Variants in IFT74 observed in about 807,000 individuals in gnomAD.
IFT74 encodes the protein intraflagellar transport 74.
IFT74 carries 92 observed loss-of-function variants against 96.7 expected under a neutral mutation model. The observed-to-expected ratio is 0.95, with a 90% CI of 0.80 to 1.13. IFT74 has a LOEUF of 1.13. IFT74 is among the 50% of genes most tolerant of loss of function. The pLI is 0.00. For synonymous variants in IFT74, 223 were observed against 213.2 expected, an observed-to-expected ratio of 1.05 and a Z score of -0.40; for missense variants, 811 against 698.2, an observed-to-expected ratio of 1.16 and a Z score of -1.82.
In IFT74 at chr9:27,028,804, T is replaced by C. The variant is rs140458131; in HGVS notation, c.975-221T>C. The C allele has an allele frequency of 2.8e-3, 876 of 313,926 alleles. 2 individuals are homozygous for C. The highest frequency in any genetic ancestry group is 4.1e-3 in the Non-Finnish European group (710 of 174,788). The allele number at this position is 313,926 out of a possible 1,614,324, so 19.4% of individuals were successfully genotyped here. A position where few individuals can be genotyped will look rare whatever the true frequency, so the allele number is the denominator to read the frequency against. ...ACAAGATTCTTCCTCTCTAAATTTA[T>C]AGTATTGTCCTCATAATAGGATATG... On this transcript the variant is annotated intron_variant, in intron 12 of 19. Coordinates refer to ENST00000380062, the MANE Select transcript of IFT74 (RefSeq NM_025103.4).
At position 27,056,762 on chromosome 9, in the gene IFT74, T is replaced by TA. The variant is rs199871094; in HGVS notation, c.1623+307dup. The stretch of plus-strand genomic sequence containing the variant: ...TACTAATACAGAAACTAAAAATCCA[T>TA]AAAATCACAAATAAAATAAATTCTA... On this transcript the variant is annotated intron_variant, in intron 18 of 19. Coordinates refer to ENST00000380062, the MANE Select transcript of IFT74 (RefSeq NM_025103.4). Among the ~76,000 whole-genome samples, 1,230 of 151,976 alleles carry TA rather than the reference T, an allele frequency of 8.1e-3. 15 individuals carry two copies. Among genetic ancestry groups the TA allele is most frequent in the African/African-American group, 0.027 (1,129 of 41,464 alleles).
At chr9:27,022,568 A>AGTATT (rs1829660783) in intron 12 of IFT74, among the ~76,000 whole-genome samples, 2 of 151,842 alleles carry the variant, frequency 1.3e-5, no homozygotes, top group Non-Finnish European at 2.9e-5. Flanking sequence ...CATATTCCCA[A>AGTATT]GTATTGTATT....
At chr9:27,036,743 AGAGAGCGTAAAGT>A in intron 13 of IFT74, 1 of 1,228,020 alleles carries the variant, frequency 8.1e-7, no homozygotes, top group South Asian at 3.4e-5. Flanking sequence ...ACAGACTAAG[AGAGAGCGTAAAGT>A]GCTGTCTCTC....
intron 8 of IFT74, among the ~76,000 whole-genome samples, chr9:26,999,452 C>G (rs1256635554): frequency 1.3e-5 from 2 of 152,108 alleles, no homozygotes; most frequent in South Asian, 4.1e-4. Flanking sequence ...TAAATGAAGG[C>G]TGCTTTTGTC....
chr9:26,985,861 TCCA>T lies in IFT74; in HGVS notation c.465+1306_465+1308del, dbSNP rs980920998. Among the ~76,000 whole-genome samples, 25 of 152,324 alleles carry T rather than the reference TCCA, an allele frequency of 1.6e-4. No individual in the cohort carries two copies. In the East Asian group the frequency reaches 4.6e-3, roughly 28 times the overall value. ...AATTTAATTATTAAACATACAGATT[TCCA>T]CCATCTTGATGTTTTACTCGAAATA... On this transcript the variant is annotated intron_variant, in intron 6 of 19. Coordinates refer to ENST00000380062, the MANE Select transcript of IFT74 (RefSeq NM_025103.4).
chr9:26,968,343 C>A (rs1405708961), intron 2 of IFT74, among the ~76,000 whole-genome samples: 3 of 151,728 alleles, frequency 2.0e-5, no homozygotes. Context: ...CTCACTACAA[C>A]CTCTGCCTCC....
chr9:27,045,734 G>A (rs1206163940), intron 14 of IFT74, among the ~76,000 whole-genome samples: 1 of 152,048 alleles, frequency 6.6e-6, no homozygotes, highest in Non-Finnish European at 1.5e-5. Flanking sequence ...TTTCATCTAG[G>A]TCTGATGTCA....
intron 8 of IFT74, chr9:26,997,949 TGTTTTA>T: frequency 6.2e-7 from 1 of 1,613,904 alleles, no homozygotes; most frequent in Non-Finnish European, 8.5e-7. Context: ...GAGATATAAC[TGTTTTA>T]GTTTATTTAA....
At chr9:26,948,324 A>T (rs953805497) in intron 1 of IFT74, among the ~76,000 whole-genome samples, 1 of 152,024 alleles carries the variant, frequency 6.6e-6, no homozygotes, top group Non-Finnish European at 1.5e-5. Flanking sequence ...AATTATTTCA[A>T]CATTTCTCTG....
In IFT74 at chr9:27,016,975, C is replaced by T. The variant is rs774018535; in HGVS notation, c.858C>T (p.Ser286=). Residue 286 remains serine, a synonymous_variant, in exon 11 of 20, where the codon TCC becomes TCT. Coordinates refer to ENST00000380062, the MANE Select transcript of IFT74 (RefSeq NM_025103.4). ...LLHEKLYELE[S]HRDQMIAEDK... is the part of the protein sequence containing the mutation. ...ATGAAAAACTTTATGAGTTGGAGTC[C>T]CATCGAGATCAAATGATTGCAGAAG... The T allele has an allele frequency of 1.9e-6, 3 of 1,610,142 alleles. No homozygotes were observed. The highest frequency in any genetic ancestry group is 2.5e-6 in the Non-Finnish European group (3 of 1,178,016).
At chr9:27,003,960 A>C (rs1464534168) in intron 8 of IFT74, among the ~76,000 whole-genome samples, 1 of 152,218 alleles carries the variant, frequency 6.6e-6, no homozygotes, top group Non-Finnish European at 1.5e-5. Flanking sequence ...ATGTGGTGAA[A>C]TTCTTACTGA....
chr9:27,056,855 A>AATGG (rs1430665439), intron 18 of IFT74, among the ~76,000 whole-genome samples: 105 of 132,274 alleles, frequency 7.9e-4, no homozygotes, highest in Non-Finnish European at 1.2e-3. Context: ...TCTTTTAGTC[A>AATGG]ATGGATAGAT....
chr9:26,988,940 GT>G (rs1282627048), intron 7 of IFT74, among the ~76,000 whole-genome samples: 1 of 152,122 alleles, frequency 6.6e-6, no homozygotes, highest in Non-Finnish European at 1.5e-5. Flanking sequence ...TGGGTGTTTA[GT>G]GACTGTCTAC....
intron 6 of IFT74, among the ~76,000 whole-genome samples, chr9:26,987,872 T>A (rs1827703342): frequency 6.6e-6 from 1 of 152,160 alleles, no homozygotes; most frequent in South Asian, 2.1e-4. Flanking sequence ...GTGCAAGCCC[T>A]GTTGATTTTT....
chr9:27,039,604 G>C (rs1819376544), intron 13 of IFT74, among the ~76,000 whole-genome samples: 2 of 152,158 alleles, frequency 1.3e-5, no homozygotes. Flanking sequence ...TACAGTGGTT[G>C]CATCTGTACT....
At chr9:26,980,871 T>C (rs1483364898) in intron 4 of IFT74, among the ~76,000 whole-genome samples, 2 of 152,218 alleles carry the variant, frequency 1.3e-5, no homozygotes, top group East Asian at 3.8e-4. Context: ...ACATGAGCTA[T>C]ATTTTCCCTC....
At chr9:27,009,928 A>G (rs1828970132) in intron 9 of IFT74, among the ~76,000 whole-genome samples, 1 of 152,016 alleles carries the variant, frequency 6.6e-6, no homozygotes, top group Admixed American at 6.5e-5. Flanking sequence ...TAATTAGGAT[A>G]TTCATCACCT....
chr9:27,031,732 TAAATAAAATAAAATAAAATAAAATA>T (rs199561580), intron 13 of IFT74, among the ~76,000 whole-genome samples: 4 of 127,948 alleles, frequency 3.1e-5, no homozygotes, highest in African/African-American at 5.9e-5. Flanking sequence ...AATAAAATAA[TAAATAAAATAAAATAAAATAAAATA>T]AAATAAAATA....
At position 27,056,523 on chromosome 9, in the gene IFT74, A is replaced by T. The variant is rs147630556; in HGVS notation, c.1623+64A>T. 1.6e-3 allele frequency: 2,310 copies of T among 1,419,170 alleles called. 30 individuals are homozygous for T. In the African/African-American group the frequency reaches 0.028, roughly 17 times the overall value. The allele number at this position is 1,419,170 out of a possible 1,614,324, so 87.9% of individuals were successfully genotyped here. A position where few individuals can be genotyped will look rare whatever the true frequency, so the allele number is the denominator to read the frequency against. On this transcript the variant is annotated intron_variant, in intron 18 of 19. Coordinates refer to ENST00000380062, the MANE Select transcript of IFT74 (RefSeq NM_025103.4). ...CTATATTTTCACCCCAAAACAATCAATTTTTTATTTTAAAATTTGCTTTAT... is the reference window on the plus strand; with the variant it reads ...CTATATTTTCACCCCAAAACAATCATTTTTTTATTTTAAAATTTGCTTTAT...
Sources: gnomAD v4.1 joint callset for allele counts (sites outside exome capture counted in the v4.1 genomes callset) on GRCh38, gnomAD v4.1.1 for gene constraint, MANE v1.5 for transcripts, NCBI Gene and HGNC (gene_info 2026-07-23, HGNC 2026-07-21) for gene names.